IFNAR1: variants seen among roughly 807,000 people sequenced by gnomAD.
IFNAR1 encodes the protein interferon alpha and beta receptor subunit 1, also known as interferon alpha/beta receptor 1.
A neutral mutation model predicts 62.1 loss-of-function variants in IFNAR1; 47 were observed. The ratio of observed to expected loss-of-function variants is 0.76; its 90% CI spans 0.60 to 0.97. IFNAR1 has a LOEUF of 0.97. IFNAR1 is among the 50% of genes least tolerant of loss of function. The pLI is 0.00. For missense variants in IFNAR1, 638 were observed against 654.5 expected (o/e 0.97, Z 0.27); for synonymous variants, 219 against 226.9 (o/e 0.97, Z 0.31).
intron 1 of IFNAR1, among the ~76,000 whole-genome samples, chr21:33,327,293 G>A (rs913329763): frequency 4.6e-5 from 7 of 152,136 alleles, no homozygotes; most frequent in African/African-American, 1.4e-4. Context: ...TTAAAATTAG[G>A]TTAGCGGACA....
Position 33,349,582 on chromosome 21 carries a change from T to TA in IFNAR1, c.1143+40dup, listed in dbSNP as rs72549221. On this transcript the variant is annotated intron_variant, in intron 8 of 10. Transcript: ENST00000270139. The stretch of plus-strand genomic sequence containing the variant: ...ATAGTATAATTTTGTAACTTAGAGT[T>TA]ATAATTATGATTTGGGTAAATAAAG... 8.0e-3 allele frequency: 11,331 copies of TA among 1,407,580 alleles called. 772 individuals are homozygous for TA. The African/African-American group carries it at 0.14, about 18-fold the overall frequency. The allele number at this position is 1,407,580 out of a possible 1,614,324, so 87.2% of individuals were successfully genotyped here.
rs2083334739 is a variant in IFNAR1 at position 33,345,290 on chromosome 21, C to T, written c.718C>T (p.Gln240Ter). 1 of 1,606,108 alleles carries T rather than the reference C, an allele frequency of 6.2e-7. No homozygotes were observed. ...ACCAGAAAATATAGAAGTCAGTGTC[C>T]AAAATCAGAACTATGTTCTTAAATG... ...PPPENIEVSV[Q>*]NQNYVLKWDY... The change falls in exon 6 of 11, where the codon CAA (glutamine) becomes TAA (stop). Residue 240 changes from glutamine to a stop codon, truncating the protein, a stop_gained. Coordinates refer to ENST00000270139, the MANE Select transcript of IFNAR1 (RefSeq NM_000629.3). LOFTEE classifies it high-confidence loss of function.
chr21:33,329,797 G>A (rs749156095), intron 1 of IFNAR1, among the ~76,000 whole-genome samples: 7 of 152,184 alleles, frequency 4.6e-5, no homozygotes, highest in Non-Finnish European at 8.8e-5. Context: ...AGTATGAAGC[G>A]ATATAAATTC....
chr21:33,333,591 A>T (rs1000173348), intron 1 of IFNAR1, among the ~76,000 whole-genome samples: 2 of 150,378 alleles, frequency 1.3e-5, no homozygotes, highest in Non-Finnish European at 3.0e-5. Flanking sequence ...ATTAAATTCC[A>T]TACTTAAAGA....
upstream of IFNAR1, chr21:33,324,934 T>A: frequency 1.3e-6 from 1 of 761,948 alleles, no homozygotes; most frequent in Non-Finnish European, 2.1e-6. Flanking sequence ...AGAGGGGCGG[T>A]GAGAGCTAAG....
rs1053844545 is a variant in IFNAR1 at position 33,356,748 on chromosome 21, G to C, written c.*1199G>C. 6.6e-6 allele frequency: 1 copy of C among 152,182 alleles called. No homozygotes were observed. The highest frequency in any genetic ancestry group is 2.4e-5 in the African/African-American group (1 of 41,442). 9.4% of individuals were successfully genotyped at this position (152,182 alleles called of 1,614,324 possible). A position where few individuals can be genotyped will look rare whatever the true frequency, so the allele number is the denominator to read the frequency against. ...GCAAGAAGTCTTGGGACCAGAAAAT[G>C]GCAATGATAGGAGACTGACATAGAA... On this transcript the variant is annotated 3_prime_UTR_variant, in exon 11 of 11. Transcript: ENST00000270139.
intron 4 of IFNAR1, 33 bp downstream of exon 4, chr21:33,343,455 G>A: frequency 1.9e-6 from 3 of 1,590,518 alleles, no homozygotes; most frequent in Non-Finnish European, 2.6e-6. Context: ...TTTAATCGAT[G>A]TGAGAGAAAA....
chr21:33,345,983 C>CTGA (rs1233072865), intron 6 of IFNAR1, among the ~76,000 whole-genome samples: 1 of 152,200 alleles, frequency 6.6e-6, no homozygotes, highest in East Asian at 1.9e-4. Flanking sequence ...ACTCAGTGGG[C>CTGA]TGAGGCAGGA....
intron 10 of IFNAR1, 135 bp from the exon 11 acceptor site, chr21:33,355,181 C>A: frequency 1.8e-6 from 1 of 557,166 alleles, no homozygotes; most frequent in Non-Finnish European, 3.2e-6. Flanking sequence ...TGTTCTTAGG[C>A]GACTTTTTAA....
In IFNAR1 at chr21:33,338,531, C is replaced by CA. The variant is rs767390109; in HGVS notation, c.201-2453dup. On this transcript the variant is annotated intron_variant, in intron 2 of 10. Coordinates refer to ENST00000270139, the MANE Select transcript of IFNAR1 (RefSeq NM_000629.3). ...CCTGGGTGACAGCAAGACTTCATCT[C>CA]AAAAAAAAAAAAAAACCCAACAAAT... Among the ~76,000 whole-genome samples the CA allele has an allele frequency of 1.3e-3, 146 of 116,064 alleles. 5 individuals carry two copies. The highest frequency in any genetic ancestry group is 4.5e-3 in the Middle Eastern group (1 of 220). The allele number at this position is 116,064 out of a possible 152,430, so 76.1% of individuals were successfully genotyped here.
In IFNAR1 at chr21:33,325,898, A is replaced by G. The variant is rs568498870; in HGVS notation, c.76+767A>G. 9.2e-5 allele frequency among the ~76,000 whole-genome samples: 14 copies of G among 152,294 alleles called. No individual in the cohort carries two copies. The South Asian group carries it at 2.9e-3, about 32-fold the overall frequency. On this transcript the variant is annotated intron_variant, in intron 1 of 10. Transcript: ENST00000270139. Reference sequence around the variant, plus strand: ...TTGCACCTGAGAAGATAAGCTTGTAATTGACATGGTCAGTGTGGAAGGCCT... The same window carrying G: ...TTGCACCTGAGAAGATAAGCTTGTAGTTGACATGGTCAGTGTGGAAGGCCT...
At chr21:33,337,023 T>C (rs1343778634) in intron 2 of IFNAR1, among the ~76,000 whole-genome samples, 1 of 152,124 alleles carries the variant, frequency 6.6e-6, no homozygotes, top group African/African-American at 2.4e-5. Context: ...AGTGCTAGGA[T>C]TACAGGCGTG....
intron 5 of IFNAR1, 58 bp downstream of exon 5, chr21:33,343,734 G>C: frequency 8.0e-7 from 1 of 1,242,618 alleles, no homozygotes; most frequent in African/African-American, 1.5e-5. Context: ...GTCAATTTTG[G>C]CATCTTCCCC....
chr21:33,326,700 C>T (rs952582083), intron 1 of IFNAR1, among the ~76,000 whole-genome samples: 1 of 152,038 alleles, frequency 6.6e-6, no homozygotes, highest in African/African-American at 2.4e-5. Flanking sequence ...AACAGCCATT[C>T]GTTTGGAAGA....
chr21:33,349,419 G>C lies in IFNAR1; in HGVS notation c.1019G>C (p.Arg340Thr). Residue 340 changes from arginine to threonine, a missense_variant, in exon 8 of 11, where the codon AGA (arginine) becomes ACA (threonine). By Grantham distance (71) the Arg-to-Thr change is moderately conservative. Coordinates refer to ENST00000270139, the MANE Select transcript of IFNAR1 (RefSeq NM_000629.3). ...CTACTTCCTCCAGTCTTTAACATTA[G>C]ATCCCTTAGTGATTCATTCCATATC... ...AFLLPPVFNI[R>T]SLSDSFHIYI... 1 of 1,607,536 alleles carries C rather than the reference G, an allele frequency of 6.2e-7. No individual in the cohort carries two copies. Among genetic ancestry groups the C allele is most frequent in the Non-Finnish European group, 8.5e-7 (1 of 1,177,470 alleles).
intron 1 of IFNAR1, among the ~76,000 whole-genome samples, chr21:33,329,692 A>G (rs902788879): frequency 2.0e-5 from 3 of 152,252 alleles, no homozygotes; most frequent in African/African-American, 7.2e-5. Context: ...TAAAAAATAT[A>G]TAACTTATCA....
At chr21:33,341,702 A>G (rs1321779333) in intron 3 of IFNAR1, among the ~76,000 whole-genome samples, 5 of 151,228 alleles carry the variant, frequency 3.3e-5, no homozygotes, top group Non-Finnish European at 7.4e-5. Flanking sequence ...TTTTTTTGAG[A>G]CAGAGTTTTG....
chr21:33,354,857 G>A (rs544555081), intron 10 of IFNAR1, among the ~76,000 whole-genome samples: 3 of 152,212 alleles, frequency 2.0e-5, no homozygotes, highest in Middle Eastern at 3.4e-3. Context: ...GTTTTTAAAT[G>A]TCATTCCTGT....
At position 33,357,761 on chromosome 21, in the gene IFNAR1, C is replaced by G. The variant is rs1163347773; in HGVS notation, c.*2212C>G. 6.6e-6 allele frequency: 1 copy of G among 152,282 alleles called. No individual in the cohort carries two copies. Among genetic ancestry groups the G allele is most frequent in the African/African-American group, 2.4e-5 (1 of 41,416 alleles). 9.4% of individuals were successfully genotyped at this position (152,282 alleles called of 1,614,324 possible). A position where few individuals can be genotyped will look rare whatever the true frequency, so the allele number is the denominator to read the frequency against. On this transcript the variant is annotated 3_prime_UTR_variant, in exon 11 of 11. Transcript: ENST00000270139. ...GTCAGGCTGGTCTTGGACTCCTGAC[C>G]TCATGCTCCACCCGCTTCGGCCTCC...
Sources: allele counts gnomAD v4.1 joint callset (sites outside exome capture counted in the v4.1 genomes callset), GRCh38; gene constraint gnomAD v4.1.1; transcripts MANE v1.5; gene names NCBI Gene and HGNC (gene_info 2026-07-23, HGNC 2026-07-21).